SEC63: variants seen among roughly 807,000 people sequenced by gnomAD.
The protein encoded by SEC63 is SEC63 protein translocation regulator, also known as translocation protein SEC63 homolog.
SEC63 carries 56 observed loss-of-function variants against 116.2 expected under a neutral mutation model. That is an observed-to-expected ratio of 0.48 (90% CI 0.39 to 0.60). The LOEUF (loss-of-function observed/expected upper bound fraction) is 0.60, where lower values mean the gene tolerates loss of function less well. SEC63 is among the 20% of genes least tolerant of loss of function. The pLI is 0.00. For missense variants in SEC63, 668 were observed against 900.0 expected (o/e 0.74, Z 3.30); for synonymous variants, 273 against 294.6 (o/e 0.93, Z 0.75).
At chr6:107,910,451 G>A (rs958737965) in intron 7 of SEC63, among the ~76,000 whole-genome samples, 2 of 152,044 alleles carry the variant, frequency 1.3e-5, no homozygotes, top group Non-Finnish European at 2.9e-5. Context: ...GCAAGACCTT[G>A]TCTCAAAAAT....
intron 2 of SEC63, among the ~76,000 whole-genome samples, chr6:107,927,993 C>T (rs1447765944): frequency 2.6e-5 from 4 of 152,182 alleles, no homozygotes; most frequent in East Asian, 1.9e-4. Context: ...ACTTGGAACC[C>T]GCAGATATGG....
Position 107,870,463 on chromosome 6 carries a change from GAAT to G in SEC63, c.*1238_*1240del, listed in dbSNP as rs1786105257. On this transcript the variant is annotated 3_prime_UTR_variant, in exon 21 of 21. Coordinates refer to ENST00000369002, the MANE Select transcript of SEC63 (RefSeq NM_007214.5). The stretch of plus-strand genomic sequence containing the variant: ...GACCTATGGAGATTTTGATAGGAAA[GAAT>G]TATTACAATCAGTTTTATAATACTA... The G allele has an allele frequency of 6.6e-6, 1 of 152,566 alleles. No individual in the cohort carries two copies. The highest frequency in any genetic ancestry group is 6.6e-5 in the Admixed American group (1 of 15,266). 9.5% of individuals were successfully genotyped at this position (152,566 alleles called of 1,614,324 possible). A position where few individuals can be genotyped will look rare whatever the true frequency, so the allele number is the denominator to read the frequency against.
chr6:107,894,342 G>A (rs1786764393), intron 14 of SEC63, among the ~76,000 whole-genome samples: 1 of 152,146 alleles, frequency 6.6e-6, no homozygotes, highest in Admixed American at 6.5e-5. Context: ...TATTGTCAGT[G>A]ATACTGCTTA....
At chr6:107,890,682 G>C (rs757012659) in intron 16 of SEC63, among the ~76,000 whole-genome samples, 4 of 152,100 alleles carry the variant, frequency 2.6e-5, no homozygotes, top group Non-Finnish European at 4.4e-5. Flanking sequence ...TTTACAATTT[G>C]GTATGTTTTT....
chr6:107,919,203 G>A (rs138986194), intron 4 of SEC63, among the ~76,000 whole-genome samples: 74 of 152,182 alleles, frequency 4.9e-4, no homozygotes, highest in Non-Finnish European at 6.9e-4. Flanking sequence ...GAGCTACCGC[G>A]CCTGGCCAGA....
chr6:107,923,070 TA>T (rs1399958041), intron 3 of SEC63, among the ~76,000 whole-genome samples: 1 of 152,190 alleles, frequency 6.6e-6, no homozygotes, highest in Non-Finnish European at 1.5e-5. Flanking sequence ...CTCCCAGGTT[TA>T]AAAAATTATA....
chr6:107,883,318 G>T, intron 16 of SEC63, 172 bp from the exon 17 acceptor site: 4 of 701,898 alleles, frequency 5.7e-6, no homozygotes, highest in Non-Finnish European at 9.3e-6. Flanking sequence ...AGATGTGGGA[G>T]TCAGACTAAA....
intron 11 of SEC63, 198 bp from the exon 12 acceptor site, chr6:107,903,196 C>G: frequency 1.6e-6 from 1 of 639,338 alleles, no homozygotes; most frequent in South Asian, 1.8e-5. Context: ...TTTCCAGCAA[C>G]AACCATTGAT....
chr6:107,949,598 T>C (rs1166365439), intron 1 of SEC63, among the ~76,000 whole-genome samples: 1 of 152,156 alleles, frequency 6.6e-6, no homozygotes, highest in Admixed American at 6.5e-5. Context: ...TATATGCCTA[T>C]AGAAAACAAA....
chr6:107,925,286 G>C (rs2114481620), intron 2 of SEC63, among the ~76,000 whole-genome samples: 1 of 152,166 alleles, frequency 6.6e-6, no homozygotes, highest in East Asian at 1.9e-4. Flanking sequence ...GAATTGCTCT[G>C]ACCCAGCAAT....
intron 1 of SEC63, among the ~76,000 whole-genome samples, chr6:107,930,439 C>T (rs1438531300): frequency 2.0e-5 from 3 of 151,308 alleles, no homozygotes; most frequent in Admixed American, 2.0e-4. Flanking sequence ...GAAACCCTGT[C>T]TCTACCAAAA....
intron 19 of SEC63, among the ~76,000 whole-genome samples, chr6:107,875,491 G>GT (rs1464488316): frequency 6.6e-6 from 1 of 152,170 alleles, no homozygotes; most frequent in African/African-American, 2.4e-5. Flanking sequence ...GAGCTCAGGA[G>GT]TTTGAGACCA....
intron 8 of SEC63, 62 bp downstream of exon 8, chr6:107,908,865 T>C: frequency 1.1e-6 from 1 of 876,906 alleles, no homozygotes; most frequent in South Asian, 1.4e-5. Flanking sequence ...GGAATATATA[T>C]CAACCCCACA....
At chr6:107,953,370 G>T (rs1014598749) in intron 1 of SEC63, among the ~76,000 whole-genome samples, 3 of 152,258 alleles carry the variant, frequency 2.0e-5, no homozygotes, top group African/African-American at 7.2e-5. Flanking sequence ...GAATTTTTCA[G>T]ATTTGCCCCG....
chr6:107,879,332 G>C (rs505386), intron 18 of SEC63, among the ~76,000 whole-genome samples: 4 of 151,966 alleles, frequency 2.6e-5, no homozygotes, highest in African/African-American at 9.7e-5. Context: ...CCCGGCTAAT[G>C]TTTTTATTTT....
At position 107,958,161 on chromosome 6, in the gene SEC63, C is replaced by T. The variant is rs1583787593; in HGVS notation, c.-152G>A. ...CCCCACGCCACTCTCACGGACACGCCGCCGCCACCTCTGCCGCTGCCGCCG... is the reference window on the plus strand; with the variant it reads ...CCCCACGCCACTCTCACGGACACGCTGCCGCCACCTCTGCCGCTGCCGCCG... On this transcript the variant is annotated 5_prime_UTR_variant, in exon 1 of 21. Coordinates refer to ENST00000369002, the MANE Select transcript of SEC63 (RefSeq NM_007214.5). The T allele has an allele frequency of 8.2e-7, 1 of 1,217,038 alleles. No individual in the cohort carries two copies. The highest frequency in any genetic ancestry group is 1.2e-6 in the Non-Finnish European group (1 of 861,274). 75.4% of individuals were successfully genotyped at this position (1,217,038 alleles called of 1,614,324 possible).
Position 107,957,872 on chromosome 6 carries a change from C to G in SEC63, c.124+14G>C. On this transcript the variant is annotated intron_variant, in intron 1 of 20. Transcript: ENST00000369002. ...GCCTGCGCGGGTTCGCGGGCAAAGG[C>G]CGGCGGGACTCACCGGCATTCTGAT... is the stretch of plus-strand genomic sequence containing the variant. 6.2e-7 allele frequency: 1 copy of G among 1,607,516 alleles called. No individual in the cohort carries two copies.
intron 3 of SEC63, among the ~76,000 whole-genome samples, chr6:107,924,413 C>G (rs1254778417): frequency 2.6e-5 from 4 of 151,676 alleles, no homozygotes; most frequent in Non-Finnish European, 4.4e-5. Context: ...CCCGTTTCTA[C>G]TAAAAATACA....
At chr6:107,930,812 T>C (rs1423172792) in intron 1 of SEC63, among the ~76,000 whole-genome samples, 1 of 149,118 alleles carries the variant, frequency 6.7e-6, no homozygotes, top group Non-Finnish European at 1.5e-5. Context: ...CTGGCCAACA[T>C]GGCAAAACCC....
Sources: gnomAD v4.1 joint callset for allele counts (sites outside exome capture counted in the v4.1 genomes callset) on GRCh38, gnomAD v4.1.1 for gene constraint, MANE v1.5 for transcripts, NCBI Gene and HGNC (gene_info 2026-07-23, HGNC 2026-07-21) for gene names.